SMURF2: variants seen among roughly 807,000 people sequenced by gnomAD.
SMURF2 encodes SMAD specific E3 ubiquitin protein ligase 2.
Under a neutral mutation model 109.6 loss-of-function variants are expected in SMURF2, and 48 were observed. That is an observed-to-expected ratio of 0.44 (90% confidence interval 0.35 to 0.56). The LOEUF is 0.56. Among genes scored for constraint, SMURF2 ranks in the 20% least tolerant of loss-of-function variants. SMURF2 has a pLI of 0.01. For synonymous variants in SMURF2, 288 were observed against 317.1 expected (o/e 0.91, Z 0.97); for missense variants, 575 against 909.0 (o/e 0.63, Z 4.72).
intron 1 of SMURF2, among the ~76,000 whole-genome samples, chr17:64,620,653 C>T (rs2144695107): frequency 6.6e-6 from 1 of 152,304 alleles, no homozygotes; most frequent in East Asian, 1.9e-4. Flanking sequence ...TTGATCTCTT[C>T]CTTCCCGTGA....
rs7219726 is a variant in SMURF2, at chr17:64,567,813, C to A, written c.1016+3985G>T. ...TTCTCCTGCCTCAGCCTCCTGGGTC[C>A]CAACTAGCTGGGATTACAGGCACCC... On this transcript the variant is annotated intron_variant, in intron 10 of 18. Transcript: ENST00000262435. Among the ~76,000 whole-genome samples the A allele has an allele frequency of 9.0e-3, 1,365 of 151,442 alleles. 15 individuals carry two copies. Among genetic ancestry groups the A allele is most frequent in the African/African-American group, 0.032 (1,308 of 41,266 alleles).
intron 2 of SMURF2, among the ~76,000 whole-genome samples, chr17:64,600,188 C>T (rs2144665756): frequency 6.6e-6 from 1 of 152,026 alleles, no homozygotes; most frequent in East Asian, 1.9e-4. Context: ...TGAGGGAAGT[C>T]ATGTGGAAAG....
rs1970784942 is a variant in SMURF2, at chr17:64,661,892, C to G, written c.-12G>C. 8.9e-7 allele frequency: 1 copy of G among 1,120,630 alleles called. No homozygotes were observed. Among genetic ancestry groups the G allele is most frequent in the Non-Finnish European group, 1.1e-6 (1 of 927,628 alleles). The allele number at this position is 1,120,630 out of a possible 1,614,324, so 69.4% of individuals were successfully genotyped here. A position where few individuals can be genotyped will look rare whatever the true frequency, so the allele number is the denominator to read the frequency against. ...CCGGGGTTAGACATGTCCCCGGCGGCGGGGGCGGCGGGGGCGGCGGGCGGC... is the reference window on the plus strand; with the variant it reads ...CCGGGGTTAGACATGTCCCCGGCGGGGGGGGCGGCGGGGGCGGCGGGCGGC... On this transcript the variant is annotated 5_prime_UTR_variant, in exon 1 of 19. Coordinates refer to ENST00000262435, the MANE Select transcript of SMURF2 (RefSeq NM_022739.4).
intron 1 of SMURF2, among the ~76,000 whole-genome samples, chr17:64,649,185 A>G (rs1970602349): frequency 6.6e-6 from 1 of 152,186 alleles, no homozygotes; most frequent in Non-Finnish European, 1.5e-5. Flanking sequence ...TTGGAGTCAA[A>G]TTTTCAGTTT....
chr17:64,561,965 A>T (rs2144605009), intron 11 of SMURF2, among the ~76,000 whole-genome samples: 1 of 151,384 alleles, frequency 6.6e-6, no homozygotes, highest in East Asian at 2.0e-4. Context: ...ATGCCACTGC[A>T]CTCCAGCCTG....
intron 1 of SMURF2, among the ~76,000 whole-genome samples, chr17:64,622,165 A>G (rs1025040974): frequency 4.6e-5 from 7 of 151,536 alleles, no homozygotes; most frequent in Non-Finnish European, 7.4e-5. Context: ...TATTTTTGAA[A>G]TAATTCCTGG....
At chr17:64,644,031 G>A (rs1970524246) in intron 1 of SMURF2, among the ~76,000 whole-genome samples, 2 of 151,774 alleles carry the variant, frequency 1.3e-5, no homozygotes, top group South Asian at 4.2e-4. Flanking sequence ...TCACCATATC[G>A]CCCAGGCTGG....
At chr17:64,585,469 C>T (rs1417454939) in intron 6 of SMURF2, among the ~76,000 whole-genome samples, 9 of 152,112 alleles carry the variant, frequency 5.9e-5, no homozygotes, top group Admixed American at 5.2e-4. Flanking sequence ...ATGCTATTAT[C>T]ACTCATACTC....
chr17:64,545,801 C>A lies in SMURF2; in HGVS notation c.*47G>T. 1.1e-6 allele frequency: 1 copy of A among 926,302 alleles called. No homozygotes were observed. The highest frequency in any genetic ancestry group is 1.4e-5 in the South Asian group (1 of 70,838). 57.4% of individuals were successfully genotyped at this position (926,302 alleles called of 1,614,324 possible). ...TGAAACTCTGCTGAAAGGAGGCTGT[C>A]AGTCAGGGTTGTATAAATAGAGTCC... On this transcript the variant is annotated 3_prime_UTR_variant, in exon 19 of 19. Coordinates refer to ENST00000262435, the MANE Select transcript of SMURF2 (RefSeq NM_022739.4).
At chr17:64,627,848 A>G (rs1555691298) in intron 1 of SMURF2, among the ~76,000 whole-genome samples, 2 of 152,194 alleles carry the variant, frequency 1.3e-5, no homozygotes, top group Admixed American at 1.3e-4. Context: ...CTTTTCTAAT[A>G]TGGAAAAGGA....
chr17:64,553,055 T>C (rs1555683746), intron 15 of SMURF2, among the ~76,000 whole-genome samples: 2 of 152,022 alleles, frequency 1.3e-5, no homozygotes, highest in East Asian at 1.9e-4. Flanking sequence ...TTTACGTATA[T>C]AACAAAAAAA....
At chr17:64,575,584 A>G (rs1969479000) in intron 9 of SMURF2, among the ~76,000 whole-genome samples, 3 of 152,104 alleles carry the variant, frequency 2.0e-5, no homozygotes, top group Admixed American at 2.0e-4. Context: ...AACACAAAGT[A>G]AGACATTTTC....
At chr17:64,599,175 C>T (rs57743157) in intron 2 of SMURF2, among the ~76,000 whole-genome samples, 13,714 of 152,132 alleles carry the variant, frequency 0.09, 943 homozygotes, top group African/African-American at 0.18. Context: ...AATAACCCTA[C>T]GAGGTAAACA....
rs186122068 is a variant in SMURF2 at position 64,659,971 on chromosome 17, A to G, written c.52+1858T>C. Among the ~76,000 whole-genome samples, 7 of 152,286 alleles carry G rather than the reference A, an allele frequency of 4.6e-5. 1 individual carries two copies. The highest frequency in any genetic ancestry group is 3.9e-4 in the Admixed American group (6 of 15,290). On this transcript the variant is annotated intron_variant, in intron 1 of 18. Coordinates refer to ENST00000262435, the MANE Select transcript of SMURF2 (RefSeq NM_022739.4). ...TATTAAGAGGACACAGGGTATTTAA[A>G]ATTCCTCAGAAAAACCTGAAACAAA...
intron 1 of SMURF2, among the ~76,000 whole-genome samples, chr17:64,623,488 T>C (rs1970230658): frequency 6.6e-6 from 1 of 152,226 alleles, no homozygotes; most frequent in Non-Finnish European, 1.5e-5. Flanking sequence ...AACACCACTA[T>C]GTCTAATTCA....
chr17:64,626,967 A>G (rs1183880694), intron 1 of SMURF2, among the ~76,000 whole-genome samples: 2 of 151,738 alleles, frequency 1.3e-5, no homozygotes, highest in South Asian at 2.1e-4. Context: ...TCTAGATTAA[A>G]GCTGATGTAC....
intron 1 of SMURF2, among the ~76,000 whole-genome samples, chr17:64,632,167 C>A (rs1555691710): frequency 6.6e-6 from 1 of 152,052 alleles, no homozygotes; most frequent in African/African-American, 2.4e-5. Flanking sequence ...CTATGTTGAC[C>A]AGGCTGGTCT....
rs782406991 is a variant in SMURF2, at chr17:64,593,519, G to T, written c.255C>A (p.Ile85=). 1.2e-6 allele frequency: 2 copies of T among 1,605,480 alleles called. No individual in the cohort carries two copies. The highest frequency in any genetic ancestry group is 1.3e-5 in the African/African-American group (1 of 74,616). The change falls in exon 4 of 19, where the codon ATC becomes ATA. Residue 85 remains isoleucine, a synonymous_variant. Coordinates refer to ENST00000262435, the MANE Select transcript of SMURF2 (RefSeq NM_022739.4). ...VTISVWNHKK[I]HKKQGAGFLG... is the part of the protein sequence containing the mutation. ...GAAATCCAGCACCTTGTTTCTTATG[G>T]ATCTTCTTGTGATTCCATACACTGA...
chr17:64,554,874 T>C lies in SMURF2; in HGVS notation c.1730A>G (p.Asn577Ser), dbSNP rs1555683902. The C allele has an allele frequency of 1.2e-6, 2 of 1,613,638 alleles. No homozygotes were observed. The highest frequency in any genetic ancestry group is 4.5e-5 in the East Asian group (2 of 44,802). ...NGKSIPVNEE[N>S]KKEYVRLYVN... The stretch of plus-strand genomic sequence containing the variant: ...TGTTTACCTGACATATTCTTTTTTA[T>C]TTTCTTCATTAACAGGGATACTTTT... Residue 577 changes from asparagine to serine, a missense_variant, in exon 15 of 19, where the codon AAT becomes AGT. Asn to Ser is a conservative substitution (Grantham distance 46, BLOSUM62 1). Coordinates refer to ENST00000262435, the MANE Select transcript of SMURF2 (RefSeq NM_022739.4).
Sources: allele counts gnomAD v4.1 joint callset (sites outside exome capture counted in the v4.1 genomes callset), GRCh38; gene constraint gnomAD v4.1.1; transcripts MANE v1.5; gene names NCBI Gene and HGNC (gene_info 2026-07-23, HGNC 2026-07-21).